The following CACNA1I variants were observed in gnomAD, a reference collection of about 807,000 sequenced individuals.
CACNA1I encodes voltage-dependent T-type calcium channel subunit alpha-1I.
Under a neutral mutation model 201.6 loss-of-function variants are expected in CACNA1I, and 74 were observed. The ratio of observed to expected loss-of-function variants is 0.37; its 90% CI spans 0.30 to 0.45. The LOEUF (loss-of-function observed/expected upper bound fraction) is 0.45. CACNA1I is among the 20% of genes least tolerant of loss of function. CACNA1I has a pLI of 1.00. For synonymous variants in CACNA1I, 1,431 were observed against 1,345.2 expected, an observed-to-expected ratio of 1.06 and a Z score of -1.40; for missense variants, 2,346 against 3,138.1, an observed-to-expected ratio of 0.75 and a Z score of 6.03.
intron 10 of CACNA1I, 111 bp from the exon 11 acceptor site, chr22:39,658,041 G>A (rs542011608): frequency 2.7e-6 from 3 of 1,115,722 alleles, no homozygotes. Flanking sequence ...CGGAGGTATG[G>A]TGAGGACACC....
Position 39,684,591 on chromosome 22 carries a change from G to A in CACNA1I, c.6027+93G>A, listed in dbSNP as rs1280437561. ...GAAGTCCAAGGGACTGGGAGGGGAAGGACCCAACCAAAGGCCGAGGGCACC... is the reference window on the plus strand; with the variant it reads ...GAAGTCCAAGGGACTGGGAGGGGAAAGACCCAACCAAAGGCCGAGGGCACC... On this transcript the variant is annotated intron_variant, in intron 36 of 36. Transcript: ENST00000402142. This position sits in a 1 kb window ranked among gnomAD's most constrained non-coding sequence, Gnocchi z 4.6. The A allele has an allele frequency of 6.4e-5, 90 of 1,398,916 alleles. No homozygotes were observed. Among genetic ancestry groups the A allele is most frequent in the Non-Finnish European group, 8.5e-5 (86 of 1,009,530 alleles). 86.7% of individuals were successfully genotyped at this position (1,398,916 alleles called of 1,614,324 possible).
intron 10 of CACNA1I, among the ~76,000 whole-genome samples, chr22:39,657,317 G>A (rs1451050022): frequency 1.3e-5 from 2 of 152,226 alleles, no homozygotes; most frequent in African/African-American, 4.8e-5. Context: ...TGACCAACTA[G>A]TGGCTTTGGG....
At chr22:39,598,831 G>C (rs1346385955) in intron 2 of CACNA1I, among the ~76,000 whole-genome samples, 2 of 151,890 alleles carry the variant, frequency 1.3e-5, no homozygotes, top group Admixed American at 6.6e-5. Context: ...GCATGTATAC[G>C]GGTAGCACAG....
chr22:39,658,017 G>A (rs1337924812), intron 10 of CACNA1I, 135 bp from the exon 11 acceptor site: 1 of 858,846 alleles, frequency 1.2e-6, no homozygotes, highest in Non-Finnish European at 1.9e-6. Flanking sequence ...CTTGTGCATG[G>A]GGCAGTGGGG....
intron 3 of CACNA1I, among the ~76,000 whole-genome samples, chr22:39,609,115 T>C (rs1933308809): frequency 6.6e-6 from 1 of 152,184 alleles, no homozygotes; most frequent in South Asian, 2.1e-4. Flanking sequence ...ATAAGGACGC[T>C]GACTGCTGAG....
Position 39,665,611 on chromosome 22 carries a change from T to C in CACNA1I, c.3965T>C (p.Ile1322Thr), listed in dbSNP as rs1262202883. The C allele has an allele frequency of 4.3e-6, 7 of 1,613,658 alleles. No homozygotes were observed. Among genetic ancestry groups the C allele is most frequent in the African/African-American group, 4.0e-5 (3 of 74,908 alleles). The change falls in exon 22 of 37, where the codon ATC becomes ACC. Residue 1322 changes from isoleucine to threonine, a missense_variant. Ile to Thr is a moderately conservative substitution (Grantham distance 89). Transcript: ENST00000402142. The surrounding 1 kb of genome is among the most constrained non-coding windows in gnomAD (Gnocchi z 5.5). ...TGTGCCTTCTTCATCATCTTTGGCA[T>C]CCTGGGAGTGCAGGTGAGGGGTGCC... Reference protein sequence around the residue: ...ICCAFFIIFGILGVQLFKGKF... With the variant: ...ICCAFFIIFGTLGVQLFKGKF...
Position 39,648,495 on chromosome 22 carries a change from C to G in CACNA1I, c.1567+569C>G, listed in dbSNP as rs1015097438. Among the ~76,000 whole-genome samples the G allele has an allele frequency of 6.6e-6, 1 of 152,056 alleles. No individual in the cohort carries two copies. Among genetic ancestry groups the G allele is most frequent in the African/African-American group, 2.4e-5 (1 of 41,414 alleles). ...CCACGTCCAGGTGGGAGCAGTGAGC[C>G]GGCGCTGGGAAGGGCTTTGGGCCTG... On this transcript the variant is annotated intron_variant, in intron 9 of 36. Transcript: ENST00000402142. The surrounding 1 kb of genome is among the most constrained non-coding windows in gnomAD (Gnocchi z 5.4).
In CACNA1I at chr22:39,641,147, GACA is replaced by G; in HGVS notation, c.1025_1027del (p.Asn342del). The G allele has an allele frequency of 6.2e-7, 1 of 1,613,874 alleles. No individual in the cohort carries two copies. ...CCCCCACAAGGGTGCCATCAACTTT[GACA>G]ACATCGGTTATGCTTGGATTGTCAT... On this transcript the variant is annotated inframe_deletion, in exon 6 of 37. Coordinates refer to ENST00000402142, the MANE Select transcript of CACNA1I (RefSeq NM_021096.4).
chr22:39,659,124 T>A lies in CACNA1I; in HGVS notation c.2330+8T>A, dbSNP rs1004873443. On this transcript the variant is annotated splice_region_variant and intron_variant, in intron 12 of 36. Coordinates refer to ENST00000402142, the MANE Select transcript of CACNA1I (RefSeq NM_021096.4). The surrounding 1 kb of genome is among the most constrained non-coding windows in gnomAD (Gnocchi z 4.3). ...CTTCATCTTCATCTTCAGGTGAGCC[T>A]GCCCTGCTGGGGGCCATACCTCAGC... is the stretch of plus-strand genomic sequence containing the variant. 11 of 1,611,688 alleles carry A rather than the reference T, an allele frequency of 6.8e-6. No individual in the cohort carries two copies. The highest frequency in any genetic ancestry group is 9.3e-6 in the Non-Finnish European group (11 of 1,179,488).
chr22:39,677,453 G>A lies in CACNA1I; in HGVS notation c.4933+34G>A, dbSNP rs1309484608. The A allele has an allele frequency of 2.1e-6, 3 of 1,440,076 alleles. No homozygotes were observed. Among genetic ancestry groups the A allele is most frequent in the East Asian group, 2.5e-5 (1 of 40,294 alleles). 89.2% of individuals were successfully genotyped at this position (1,440,076 alleles called of 1,614,324 possible). On this transcript the variant is annotated intron_variant, in intron 30 of 36. Coordinates refer to ENST00000402142, the MANE Select transcript of CACNA1I (RefSeq NM_021096.4). The surrounding 1 kb of genome is among the most constrained non-coding windows in gnomAD (Gnocchi z 4.8). ...CTCCCAGAGCAGGCCCGTGGTGGGG[G>A]TGCAGCAGGGCTGCAGGAGGAACTG...
At chr22:39,603,620 T>C (rs922891781) in intron 3 of CACNA1I, among the ~76,000 whole-genome samples, 1 of 152,138 alleles carries the variant, frequency 6.6e-6, no homozygotes, top group Non-Finnish European at 1.5e-5. Context: ...TAATTAGGCT[T>C]CTTAAAAGTC....
chr22:39,658,118 C>T, intron 10 of CACNA1I, 34 bp from the exon 11 acceptor site: 1 of 1,610,424 alleles, frequency 6.2e-7, no homozygotes, highest in South Asian at 1.1e-5. Flanking sequence ...TCTGGCCTGA[C>T]CGGGTCTCCA....
In CACNA1I at chr22:39,604,195, T is replaced by A. The variant is rs139686833; in HGVS notation, c.482+3542T>A. Among the ~76,000 whole-genome samples, 14 of 152,312 alleles carry A rather than the reference T, an allele frequency of 9.2e-5. No homozygotes were observed. In the East Asian group the frequency reaches 2.3e-3, roughly 25 times the overall value. ...CATGGGCACCCCCACGCTGCCCTTTTGACTTGAAGCATTCTGTATTGCTTA... is the reference window on the plus strand; with the variant it reads ...CATGGGCACCCCCACGCTGCCCTTTAGACTTGAAGCATTCTGTATTGCTTA... On this transcript the variant is annotated intron_variant, in intron 3 of 36. Transcript: ENST00000402142.
chr22:39,689,193 G>A lies in CACNA1I; in HGVS notation c.*2788G>A, dbSNP rs1470008468. 6.5e-6 allele frequency: 1 copy of A among 152,972 alleles called. No homozygotes were observed. The highest frequency in any genetic ancestry group is 2.4e-5 in the African/African-American group (1 of 41,482). 9.5% of individuals were successfully genotyped at this position (152,972 alleles called of 1,614,324 possible). On this transcript the variant is annotated 3_prime_UTR_variant, in exon 37 of 37. Coordinates refer to ENST00000402142, the MANE Select transcript of CACNA1I (RefSeq NM_021096.4). ...CCTGAGCTGTCTGCTGGGCTCCGTA[G>A]AGCGGTGGTGGGCAGGCACCTTGGC...
chr22:39,618,277 C>CTGTG (rs57010174), intron 3 of CACNA1I, among the ~76,000 whole-genome samples: 60 of 145,450 alleles, frequency 4.1e-4, no homozygotes, highest in East Asian at 1.5e-3. Context: ...AAGTGTGTGA[C>CTGTG]TGTGTGTGTG....
At position 39,600,753 on chromosome 22, in the gene CACNA1I, G is replaced by T. The variant is rs1041020982; in HGVS notation, c.482+100G>T. 7 of 1,387,358 alleles carry T rather than the reference G, an allele frequency of 5.0e-6. No homozygotes were observed. In the African/African-American group the frequency reaches 8.9e-5, roughly 18 times the overall value. The allele number at this position is 1,387,358 out of a possible 1,614,324, so 85.9% of individuals were successfully genotyped here. A position where few individuals can be genotyped will look rare whatever the true frequency, so the allele number is the denominator to read the frequency against. On this transcript the variant is annotated intron_variant, in intron 3 of 36. Coordinates refer to ENST00000402142, the MANE Select transcript of CACNA1I (RefSeq NM_021096.4). ...GCTGATGGCGATGAAGGGGAATCAC[G>T]GTGATGCGTGGGACCCTCCTGGACC...
Position 39,684,587 on chromosome 22 carries a change from G to T in CACNA1I, c.6027+89G>T, listed in dbSNP as rs751962372. ...CCTGGAAGTCCAAGGGACTGGGAGG[G>T]GAAGGACCCAACCAAAGGCCGAGGG... is the stretch of plus-strand genomic sequence containing the variant. On this transcript the variant is annotated intron_variant, in intron 36 of 36. Transcript: ENST00000402142. The surrounding 1 kb of genome is among the most constrained non-coding windows in gnomAD (Gnocchi z 4.6). The T allele has an allele frequency of 3.5e-6, 5 of 1,427,350 alleles. No individual in the cohort carries two copies. Among genetic ancestry groups the T allele is most frequent in the Non-Finnish European group, 4.8e-6 (5 of 1,034,148 alleles). 88.4% of individuals were successfully genotyped at this position (1,427,350 alleles called of 1,614,324 possible). A position where few individuals can be genotyped will look rare whatever the true frequency, so the allele number is the denominator to read the frequency against.
At chr22:39,614,801 C>T (rs8140185) in intron 3 of CACNA1I, among the ~76,000 whole-genome samples, 61,526 of 152,008 alleles carry the variant, frequency 0.4, 13,317 homozygotes, top group Non-Finnish European at 0.49. Context: ...CATGGCCCCT[C>T]TACCAGTCTG....
At chr22:39,630,418 T>C (rs1200782404) in intron 4 of CACNA1I, among the ~76,000 whole-genome samples, 4 of 152,242 alleles carry the variant, frequency 2.6e-5, no homozygotes, top group Non-Finnish European at 5.9e-5. Context: ...TCACAACTCA[T>C]GTATCCCTAG....
Sources: allele counts gnomAD v4.1 joint callset (sites outside exome capture counted in the v4.1 genomes callset), GRCh38; gene constraint gnomAD v4.1.1; non-coding constraint Gnocchi (gnomAD v3.1); transcripts MANE v1.5; gene names NCBI Gene and HGNC (gene_info 2026-07-23, HGNC 2026-07-21).